Variants in MAN2A1 observed in about 807,000 individuals in gnomAD.
MAN2A1 encodes alpha-mannosidase 2.
A neutral mutation model predicts 142.6 loss-of-function variants in MAN2A1; 76 were observed. The ratio of observed to expected loss-of-function variants is 0.53; its 90% CI spans 0.44 to 0.65. The LOEUF (loss-of-function observed/expected upper bound fraction) is 0.65. Among genes scored for constraint, MAN2A1 ranks in the 30% least tolerant of loss-of-function variants. The pLI is 0.00. For synonymous variants in MAN2A1, 559 were observed against 473.2 expected (o/e 1.18, Z -2.35); for missense variants, 1,311 against 1,365.1 (o/e 0.96, Z 0.62).
chr5:109,865,192 A>G, intron 21 of MAN2A1, 46 bp downstream of exon 21: 1 of 1,323,728 alleles, frequency 7.6e-7, no homozygotes, highest in South Asian at 1.2e-5. Context: ...GTGCTTTGAA[A>G]TCCTCTTTCT....
chr5:109,793,983 G>T (rs968187508), intron 12 of MAN2A1, among the ~76,000 whole-genome samples: 3 of 151,958 alleles, frequency 2.0e-5, no homozygotes, highest in African/African-American at 7.3e-5. Context: ...CTTTTCTTAT[G>T]TTATCAATAT....
At chr5:109,850,671 A>G (rs74468575) in intron 19 of MAN2A1, among the ~76,000 whole-genome samples, 3,100 of 152,270 alleles carry the variant, frequency 0.02, 51 homozygotes, top group Non-Finnish European at 0.031. Flanking sequence ...ATTGACACTA[A>G]TCTATAAAAC....
At chr5:109,801,900 T>C (rs1754041630) in intron 12 of MAN2A1, among the ~76,000 whole-genome samples, 1 of 152,072 alleles carries the variant, frequency 6.6e-6, no homozygotes, top group Non-Finnish European at 1.5e-5. Context: ...ATATATACAA[T>C]TGAGATTTGG....
At chr5:109,712,792 G>T (rs1220894922) in intron 1 of MAN2A1, among the ~76,000 whole-genome samples, 1 of 152,172 alleles carries the variant, frequency 6.6e-6, no homozygotes, top group African/African-American at 2.4e-5. Flanking sequence ...AAATAAATGA[G>T]TACCTTCTAT....
intron 16 of MAN2A1, among the ~76,000 whole-genome samples, chr5:109,825,749 T>G (rs1440436329): frequency 1.3e-5 from 2 of 152,120 alleles, no homozygotes; most frequent in Non-Finnish European, 2.9e-5. Flanking sequence ...GTCCAGTGGC[T>G]AATAGTGTTA....
At chr5:109,860,066 C>T (rs1255751279) in intron 20 of MAN2A1, among the ~76,000 whole-genome samples, 1 of 152,060 alleles carries the variant, frequency 6.6e-6, no homozygotes, top group African/African-American at 2.4e-5. Flanking sequence ...GATTTTCTCT[C>T]TCCACTTGTT....
intron 20 of MAN2A1, among the ~76,000 whole-genome samples, chr5:109,857,916 C>G (rs1432297893): frequency 1.3e-5 from 2 of 152,278 alleles, no homozygotes; most frequent in Non-Finnish European, 2.9e-5. Context: ...CCATTTATAA[C>G]ATGAGGCTAA....
chr5:109,763,053 A>G (rs1360576808), intron 5 of MAN2A1, among the ~76,000 whole-genome samples: 2 of 152,246 alleles, frequency 1.3e-5, no homozygotes, highest in East Asian at 1.9e-4. Flanking sequence ...CTTCGTTATC[A>G]TGCTGGCTCA....
rs937943266 is a variant in MAN2A1, at chr5:109,690,254, G to C, written c.-164G>C. On this transcript the variant is annotated 5_prime_UTR_variant, in exon 1 of 22. Coordinates refer to ENST00000261483, the MANE Select transcript of MAN2A1 (RefSeq NM_002372.4). ...AAGGCCAAGGGCGTGTGGTGGCGCC[G>C]GAGACTAGGTGCGGAGCAAGGCGGG... 1 of 679,816 alleles carries C rather than the reference G, an allele frequency of 1.5e-6. No homozygotes were observed. The highest frequency in any genetic ancestry group is 2.5e-6 in the Non-Finnish European group (1 of 392,200). 42.1% of individuals were successfully genotyped at this position (679,816 alleles called of 1,614,324 possible). A position where few individuals can be genotyped will look rare whatever the true frequency, so the allele number is the denominator to read the frequency against.
At chr5:109,865,711 G>A (rs1056513089) in intron 21 of MAN2A1, among the ~76,000 whole-genome samples, 2 of 152,216 alleles carry the variant, frequency 1.3e-5, no homozygotes, top group African/African-American at 4.8e-5. Flanking sequence ...TTGCATATGA[G>A]TCAACACACC....
At position 109,817,341 on chromosome 5, in the gene MAN2A1, C is replaced by T. The variant is rs772932828; in HGVS notation, c.2012C>T (p.Pro671Leu). The change falls in exon 13 of 22, where the codon CCG becomes CTG. Residue 671 changes from proline (P) to leucine (L), a missense_variant. Transcript: ENST00000261483. ...TTGGTCTCAGTCTATGTGAGTTCCC[C>T]GACAGTGCAAGTGTTCTCTGCTTCA... ...ISLVSVYVSS[P>L]TVQVFSASGK... The T allele has an allele frequency of 5.8e-5, 93 of 1,614,016 alleles. No individual in the cohort carries two copies. In the East Asian group the frequency reaches 1.5e-3, roughly 26 times the overall value.
intron 1 of MAN2A1, among the ~76,000 whole-genome samples, chr5:109,704,371 C>T (rs1751071253): frequency 6.6e-6 from 1 of 152,136 alleles, no homozygotes; most frequent in South Asian, 2.1e-4. Flanking sequence ...ATCGTGAGGG[C>T]ATTTATTTCT....
intron 9 of MAN2A1, among the ~76,000 whole-genome samples, chr5:109,784,491 T>C (rs1388405966): frequency 6.6e-6 from 1 of 152,120 alleles, no homozygotes; most frequent in African/African-American, 2.4e-5. Context: ...TCTGGCTTCT[T>C]TTTCAGGATC....
intron 1 of MAN2A1, among the ~76,000 whole-genome samples, chr5:109,706,323 G>A (rs1468562997): frequency 6.6e-6 from 1 of 152,164 alleles, no homozygotes; most frequent in Admixed American, 6.5e-5. Flanking sequence ...GGTGCATATT[G>A]TAGTACCCTT....
chr5:109,737,486 T>C (rs996329674), intron 4 of MAN2A1, among the ~76,000 whole-genome samples: 1 of 151,966 alleles, frequency 6.6e-6, no homozygotes, highest in Non-Finnish European at 1.5e-5. Flanking sequence ...TCAATGTTGA[T>C]GAAGCTTCTA....
rs1755847158 is a variant in MAN2A1 at position 109,865,113 on chromosome 5, C to G, written c.3249C>G (p.Gly1083=). The G allele has an allele frequency of 6.2e-7, 1 of 1,613,894 alleles. No individual in the cohort carries two copies. The highest frequency in any genetic ancestry group is 1.1e-5 in the South Asian group (1 of 91,092). ...KGFDCRFSSK[G]TGLFCSTTQG... The stretch of plus-strand genomic sequence containing the variant: ...TTGATTGTCGGTTCTCTAGCAAAGG[C>G]ACAGGGCTGTTTTGTTCTACTACTC... Residue 1083 remains glycine, a synonymous_variant, in exon 21 of 22, where the codon GGC becomes GGG. Transcript: ENST00000261483.
intron 12 of MAN2A1, among the ~76,000 whole-genome samples, chr5:109,799,035 T>C (rs572106466): frequency 1.3e-5 from 2 of 152,212 alleles, no homozygotes; most frequent in South Asian, 2.1e-4. Flanking sequence ...CCTCTTCATC[T>C]TCAATGCTAC....
intron 12 of MAN2A1, among the ~76,000 whole-genome samples, chr5:109,796,882 GC>G (rs1320919297): frequency 3.3e-5 from 5 of 152,020 alleles, no homozygotes; most frequent in African/African-American, 9.7e-5. Flanking sequence ...TAACAAACTG[GC>G]CATGTCATTT....
intron 4 of MAN2A1, among the ~76,000 whole-genome samples, chr5:109,740,238 G>A (rs144346658): frequency 6.6e-6 from 1 of 152,344 alleles, no homozygotes; most frequent in African/African-American, 2.4e-5. Flanking sequence ...TCAGGGATCA[G>A]CAGTTGGGGA....
Sources: allele counts gnomAD v4.1 joint callset (sites outside exome capture counted in the v4.1 genomes callset), GRCh38; gene constraint gnomAD v4.1.1; transcripts MANE v1.5; gene names NCBI Gene and HGNC (gene_info 2026-07-23, HGNC 2026-07-21).